The following HAL variants were observed in gnomAD, a reference collection of about 807,000 sequenced individuals.
HAL encodes histidase.
A neutral mutation model predicts 81.1 loss-of-function variants in HAL; 85 were observed. The ratio of observed to expected loss-of-function variants is 1.05; its 90% CI spans 0.88 to 1.25. The LOEUF is 1.25. HAL is among the 50% of genes most tolerant of loss of function. The pLI, the probability that HAL is intolerant of heterozygous loss-of-function variation, is 0.00. For missense variants in HAL, 798 were observed against 836.6 expected, an observed-to-expected ratio of 0.95 and a Z score of 0.57; for synonymous variants, 301 against 309.2, an observed-to-expected ratio of 0.97 and a Z score of 0.28.
At chr12:95,995,142 A>G (rs982980760) in intron 2 of HAL, 149 bp from the exon 3 acceptor site, 1 of 708,820 alleles carries the variant, frequency 1.4e-6, no homozygotes, top group South Asian at 1.5e-5. Context: ...TGGTCTTAGC[A>G]TCTTTATGTA....
At chr12:95,994,868 C>T in intron 3 of HAL, 43 bp from the exon 4 acceptor site, 3 of 1,611,880 alleles carry the variant, frequency 1.9e-6, no homozygotes, top group Non-Finnish European at 2.5e-6. Flanking sequence ...GTGGAAAAAC[C>T]CCCAGCCCCA....
In HAL at chr12:95,987,160, C is replaced by T. The variant is rs761927800; in HGVS notation, c.958G>A (p.Val320Ile). Reference protein sequence around the residue: ...QMITSLGCEAVERASAIARQA... With the variant: ...QMITSLGCEAIERASAIARQA... Reference sequence around the variant, plus strand: ...CGTGCAATAGCACTGGCTCGCTCTACAGCTTCACAGCCCAGGGATGTGATC... The same window carrying T: ...CGTGCAATAGCACTGGCTCGCTCTATAGCTTCACAGCCCAGGGATGTGATC... The change falls in exon 12 of 21, where the codon GTA (valine) becomes ATA (isoleucine). Residue 320 changes from valine to isoleucine, a missense_variant. By Grantham distance (29) the Val-to-Ile change is conservative. Coordinates refer to ENST00000261208, the MANE Select transcript of HAL (RefSeq NM_002108.4). The T allele has an allele frequency of 6.2e-6, 10 of 1,613,592 alleles. No individual in the cohort carries two copies. Among genetic ancestry groups the T allele is most frequent in the African/African-American group, 1.3e-5 (1 of 74,932 alleles).
At chr12:95,979,435 A>G (rs563148107) in intron 17 of HAL, among the ~76,000 whole-genome samples, 17 of 151,938 alleles carry the variant, frequency 1.1e-4, no homozygotes, top group South Asian at 1.0e-3. Context: ...CCTCCAAACA[A>G]CCCCCTTAGG....
In HAL at chr12:95,986,047, C is replaced by G. The variant is rs779759919; in HGVS notation, c.1147+18G>C. The stretch of plus-strand genomic sequence containing the variant: ...AAACACGTAACCAAATAGGTCACTC[C>G]CATAAACATGGTCAGACCTGCTATT... On this transcript the variant is annotated intron_variant, in intron 13 of 20. Transcript: ENST00000261208. 6.3e-6 allele frequency: 10 copies of G among 1,588,560 alleles called. No individual in the cohort carries two copies. Among genetic ancestry groups the G allele is most frequent in the Middle Eastern group, 1.7e-4 (1 of 6,010 alleles).
intron 9 of HAL, 140 bp downstream of exon 9, chr12:95,992,540 T>C (rs1002330359): frequency 8.2e-6 from 6 of 731,448 alleles, no homozygotes; most frequent in Non-Finnish European, 1.4e-5. Context: ...ACTATCCTAC[T>C]TTTTGCCAAC....
In HAL at chr12:95,991,300, T is replaced by C. The variant is rs1273778170; in HGVS notation, c.716-768A>G. ...AGTTCATTGTTTATTATAGGAAAAATAGTTAGAAATTATCTAAATATGAAA... is the reference window on the plus strand; with the variant it reads ...AGTTCATTGTTTATTATAGGAAAAACAGTTAGAAATTATCTAAATATGAAA... On this transcript the variant is annotated intron_variant, in intron 9 of 20. Coordinates refer to ENST00000261208, the MANE Select transcript of HAL (RefSeq NM_002108.4). 2.6e-5 allele frequency among the ~76,000 whole-genome samples: 4 copies of C among 152,256 alleles called. No individual in the cohort carries two copies. The East Asian group carries it at 7.7e-4, about 29-fold the overall frequency.
At chr12:95,974,937 A>G (rs36054506) in intron 20 of HAL, among the ~76,000 whole-genome samples, 18,637 of 152,084 alleles carry the variant, frequency 0.12, 1,853 homozygotes, top group African/African-American at 0.28. Context: ...ATGGGGTTTC[A>G]CCATGTTGGC....
At position 95,986,137 on chromosome 12, in the gene HAL, G is replaced by A. The variant is rs569319488; in HGVS notation, c.1075C>T (p.Arg359Cys). Reference protein sequence around the residue: ...DTDIHALRPHRGQIEVAFRFR... With the variant: ...DTDIHALRPHCGQIEVAFRFR... ...CGAAAAGCAACTTCAATTTGCCCACGGTGAGGTCGAAGAGCATGAATGTCT... is the reference window on the plus strand; with the variant it reads ...CGAAAAGCAACTTCAATTTGCCCACAGTGAGGTCGAAGAGCATGAATGTCT... The change falls in exon 13 of 21, where the codon CGT becomes TGT. Residue 359 changes from arginine (R) to cysteine (C), a missense_variant. By Grantham distance (180) the Arg-to-Cys change is radical. Transcript: ENST00000261208. 3.5e-5 allele frequency: 56 copies of A among 1,604,560 alleles called. No homozygotes were observed. The Middle Eastern group carries it at 9.9e-4, about 28-fold the overall frequency.
intron 15 of HAL, among the ~76,000 whole-genome samples, chr12:95,981,101 T>A (rs1270721860): frequency 6.6e-6 from 1 of 152,206 alleles, no homozygotes; most frequent in African/African-American, 2.4e-5. Context: ...CTTGAAATGA[T>A]GTTTTCTCTT....
At chr12:95,974,648 A>G (rs2080694485) in intron 20 of HAL, among the ~76,000 whole-genome samples, 2 of 152,256 alleles carry the variant, frequency 1.3e-5, no homozygotes, top group South Asian at 2.1e-4. Flanking sequence ...GCAAGCAAAT[A>G]ACAAAACCCA....
chr12:95,986,914 T>C (rs1007858540), intron 12 of HAL, among the ~76,000 whole-genome samples, 153 bp downstream of exon 12: 1 of 152,218 alleles, frequency 6.6e-6, no homozygotes, highest in Non-Finnish European at 1.5e-5. Flanking sequence ...ATAGCCTAGA[T>C]GAAGAGGCAG....
chr12:95,993,243 A>G (rs1487780638), intron 8 of HAL, among the ~76,000 whole-genome samples: 3 of 152,140 alleles, frequency 2.0e-5, no homozygotes, highest in Non-Finnish European at 4.4e-5. Flanking sequence ...ATGTGTTCTC[A>G]TACCAACCCC....
chr12:95,977,043 G>A lies in HAL; in HGVS notation c.1655-337C>T, dbSNP rs188900898. Among the ~76,000 whole-genome samples the A allele has an allele frequency of 3.9e-5, 6 of 152,312 alleles. No individual in the cohort carries two copies. The East Asian group carries it at 1.2e-3, about 29-fold the overall frequency. On this transcript the variant is annotated intron_variant, in intron 18 of 20. Transcript: ENST00000261208. ...CCTCTAACAAAGGTTTGTTGGCCAA[G>A]TTTGGGTCATGTGGGTAGGGAAGGA...
At chr12:95,994,658 G>A in intron 4 of HAL, 140 bp downstream of exon 4, 1 of 873,034 alleles carries the variant, frequency 1.1e-6, no homozygotes, top group East Asian at 2.4e-5. Context: ...CCAAAGTGCT[G>A]GGACTACAGA....
chr12:95,977,749 G>A (rs560043554), intron 18 of HAL, among the ~76,000 whole-genome samples, 195 bp downstream of exon 18: 1 of 152,146 alleles, frequency 6.6e-6, no homozygotes, highest in East Asian at 1.9e-4. Flanking sequence ...ATCACCTGGA[G>A]GGTTCGTTAA....
intron 14 of HAL, among the ~76,000 whole-genome samples, chr12:95,984,423 A>G (rs1449850224): frequency 6.6e-6 from 1 of 152,160 alleles, no homozygotes; most frequent in Non-Finnish European, 1.5e-5. Flanking sequence ...CTTAGATGTG[A>G]CTCGCAGAGA....
At chr12:95,977,855 C>A (rs2080740962) in intron 18 of HAL, 89 bp downstream of exon 18, 2 of 1,367,406 alleles carry the variant, frequency 1.5e-6, no homozygotes, top group Admixed American at 1.7e-5. Flanking sequence ...CCAGGTGATG[C>A]TGATGTTGCT....
chr12:95,980,376 T>C (rs776261313), intron 17 of HAL, among the ~76,000 whole-genome samples, 180 bp downstream of exon 17: 3 of 152,232 alleles, frequency 2.0e-5, no homozygotes, highest in Admixed American at 6.5e-5. Context: ...GTTTTTAAAC[T>C]ATTTTTTTCT....
In HAL at chr12:95,974,121, T is replaced by A; in HGVS notation, c.*111A>T. The A allele has an allele frequency of 1.1e-6, 1 of 944,286 alleles. No homozygotes were observed. Among genetic ancestry groups the A allele is most frequent in the Non-Finnish European group, 1.8e-6 (1 of 571,170 alleles). 58.5% of individuals were successfully genotyped at this position (944,286 alleles called of 1,614,324 possible). On this transcript the variant is annotated 3_prime_UTR_variant, in exon 21 of 21. Coordinates refer to ENST00000261208, the MANE Select transcript of HAL (RefSeq NM_002108.4). ...CAACGTAGGCTTTAGAAGAACTGAA[T>A]GATACAATGGATTGATCTACCTAGG...
Sources: allele counts gnomAD v4.1 joint callset (sites outside exome capture counted in the v4.1 genomes callset), GRCh38; gene constraint gnomAD v4.1.1; transcripts MANE v1.5; gene names NCBI Gene and HGNC (gene_info 2026-07-23, HGNC 2026-07-21).